DMXL1: variants seen among roughly 807,000 people sequenced by gnomAD.
The protein encoded by DMXL1 is dmX-like protein 1.
A neutral mutation model predicts 319.2 loss-of-function variants in DMXL1; 99 were observed. The observed-to-expected ratio is 0.31, with a 90% CI of 0.26 to 0.37. The LOEUF (loss-of-function observed/expected upper bound fraction) is 0.37. DMXL1 is among the 10% of genes least tolerant of loss of function. The pLI, the probability that DMXL1 is intolerant of heterozygous loss-of-function variation, is 1.00. For missense variants in DMXL1, 3,745 were observed against 3,595.6 expected (o/e 1.04, Z -1.06); for synonymous variants, 1,385 against 1,235.2 (o/e 1.12, Z -2.54).
chr5:119,192,837 C>G (rs111932336), intron 29 of DMXL1, among the ~76,000 whole-genome samples: 2,243 of 152,090 alleles, frequency 0.015, 28 homozygotes, highest in Non-Finnish European at 0.025. Flanking sequence ...CGATTTTTCC[C>G]AAAACCTTCC....
intron 29 of DMXL1, among the ~76,000 whole-genome samples, chr5:119,191,291 C>T (rs932753758): frequency 2.6e-5 from 4 of 152,164 alleles, no homozygotes; most frequent in Non-Finnish European, 4.4e-5. Context: ...AATTTCCAGA[C>T]GTTCTCCTGC....
Position 119,133,311 on chromosome 5 carries a change from A to T in DMXL1, c.1495A>T (p.Met499Leu). ...AGATATGCTATTTAGTATTCATCCC[A>T]TGGATGGTTCTTTGCTAGTTTGGCA... The part of the protein sequence containing the change: ...NADMLFSIHP[M>L]DGSLLVWHVD... Residue 499 changes from methionine (M) to leucine (L), a missense_variant, in exon 11 of 44, where the codon ATG becomes TTG. Met to Leu is a conservative substitution (Grantham distance 15, BLOSUM62 2). This residue lies in a region of DMXL1 where 2,096 missense variants were observed against 1,985.4 expected (regional missense o/e 1.06). Coordinates refer to ENST00000539542, the MANE Select transcript of DMXL1 (RefSeq NM_001290321.3). 1 of 1,614,084 alleles carries T rather than the reference A, an allele frequency of 6.2e-7. No homozygotes were observed. The highest frequency in any genetic ancestry group is 8.5e-7 in the Non-Finnish European group (1 of 1,179,994).
intron 26 of DMXL1, among the ~76,000 whole-genome samples, chr5:119,176,962 T>C (rs1775919051): frequency 6.6e-6 from 1 of 152,174 alleles, no homozygotes; most frequent in Non-Finnish European, 1.5e-5. Flanking sequence ...GACAGAGACA[T>C]TGTTATTCCT....
chr5:119,075,499 C>T (rs774707880), intron 1 of DMXL1, among the ~76,000 whole-genome samples: 1 of 151,962 alleles, frequency 6.6e-6, no homozygotes, highest in Non-Finnish European at 1.5e-5. Context: ...TCGGCCTCCC[C>T]ACGTACTGGG....
At chr5:119,125,467 A>G (rs1763316152) in intron 9 of DMXL1, among the ~76,000 whole-genome samples, 1 of 152,186 alleles carries the variant, frequency 6.6e-6, no homozygotes, top group Non-Finnish European at 1.5e-5. Flanking sequence ...GAAAATATCT[A>G]AATTAAATGT....
At position 119,098,057 on chromosome 5, in the gene DMXL1, G is replaced by A. The variant is rs754263759; in HGVS notation, c.166G>A (p.Gly56Arg). The change falls in exon 2 of 44, where the codon GGA becomes AGA. Residue 56 changes from glycine to arginine, a missense_variant. This residue lies in a region of DMXL1 where 2,096 missense variants were observed against 1,985.4 expected (regional missense o/e 1.06). Transcript: ENST00000539542. ...ACAGATAATCCCAGGAGCTAAACAT[G>A]GAAATATTCAAGTGGGATGTGTAGA... is the stretch of plus-strand genomic sequence containing the variant. Reference protein sequence around the residue: ...RLQIIPGAKHGNIQVGCVDCS... With the variant: ...RLQIIPGAKHRNIQVGCVDCS... 6.2e-7 allele frequency: 1 copy of A among 1,608,192 alleles called. No individual in the cohort carries two copies.
chr5:119,192,300 ATTCT>A (rs1296855164), intron 29 of DMXL1, among the ~76,000 whole-genome samples: 1 of 152,048 alleles, frequency 6.6e-6, no homozygotes, highest in African/African-American at 2.4e-5. Context: ...TCTGAATTGC[ATTCT>A]TTCTTTTCTT....
rs758087682 is a variant in DMXL1, at chr5:119,118,817, C to T, written c.746C>T (p.Ala249Val). 3.1e-6 allele frequency: 5 copies of T among 1,593,344 alleles called. No individual in the cohort carries two copies. Among genetic ancestry groups the T allele is most frequent in the Non-Finnish European group, 4.3e-6 (5 of 1,172,602 alleles). The change falls in exon 8 of 44, where the codon GCT becomes GTT. Residue 249 changes from alanine (A) to valine (V), a missense_variant and splice_region_variant. This residue lies in a region of DMXL1 where 2,096 missense variants were observed against 1,985.4 expected (regional missense o/e 1.06). Transcript: ENST00000539542. The stretch of plus-strand genomic sequence containing the variant: ...TCTAAAATCTTTTCATTCCTTAGGG[C>T]TTCTGTATGTAATGTACTGTTGACT... ...WRKTSKYMPR[A>V]SVCNVLLTCC...
intron 1 of DMXL1, among the ~76,000 whole-genome samples, chr5:119,073,779 C>T (rs777758305): frequency 3.3e-5 from 5 of 152,132 alleles, no homozygotes; most frequent in Admixed American, 6.5e-5. Flanking sequence ...GCAGCCTGTT[C>T]ATCCTTGACT....
chr5:119,176,508 A>G (rs891613647), intron 26 of DMXL1, among the ~76,000 whole-genome samples: 1 of 151,886 alleles, frequency 6.6e-6, no homozygotes, highest in Non-Finnish European at 1.5e-5. Context: ...TTTCCTATCT[A>G]TGATTTCTAT....
At chr5:119,203,128 C>T (rs1159786033) in intron 32 of DMXL1, among the ~76,000 whole-genome samples, 191 bp from the exon 33 acceptor site, 1 of 151,616 alleles carries the variant, frequency 6.6e-6, no homozygotes, top group African/African-American at 2.4e-5. Flanking sequence ...CCATATGGTC[C>T]ACAAAGCCTG....
intron 24 of DMXL1, 72 bp from the exon 25 acceptor site, chr5:119,171,706 C>T (rs879270222): frequency 1.4e-5 from 17 of 1,238,524 alleles, no homozygotes; most frequent in Admixed American, 2.5e-5. Context: ...TTTAAAGAGC[C>T]CTTGATTTAC....
intron 43 of DMXL1, among the ~76,000 whole-genome samples, chr5:119,245,740 A>T (rs1323654165): frequency 6.6e-6 from 1 of 151,908 alleles, no homozygotes; most frequent in Non-Finnish European, 1.5e-5. Context: ...GGGTTTCGCC[A>T]TGTTGGCCAG....
At chr5:119,071,681 G>A (rs1464119991) in intron 1 of DMXL1, 25 bp downstream of exon 1, 5 of 1,557,608 alleles carry the variant, frequency 3.2e-6, no homozygotes, top group East Asian at 4.8e-5. Flanking sequence ...CCCTCGCGTC[G>A]CCCGTGGCCC....
intron 13 of DMXL1, among the ~76,000 whole-genome samples, chr5:119,137,820 A>T (rs1418221278): frequency 5.3e-5 from 8 of 152,220 alleles, no homozygotes; most frequent in Non-Finnish European, 8.8e-5. Context: ...GTATTTATTT[A>T]TAGCAGTATG....
At position 119,074,061 on chromosome 5, in the gene DMXL1, G is replaced by A. The variant is rs189308876; in HGVS notation, c.87+2405G>A. ...AGCCTCCTGAGAAGCTGGGATTACA[G>A]GCATGTGCCACCATGCCCTGCTAAT... is the stretch of plus-strand genomic sequence containing the variant. On this transcript the variant is annotated intron_variant, in intron 1 of 43. Coordinates refer to ENST00000539542, the MANE Select transcript of DMXL1 (RefSeq NM_001290321.3). Among the ~76,000 whole-genome samples the A allele has an allele frequency of 2.4e-3, 368 of 152,208 alleles. 3 individuals are homozygous for A. The highest frequency in any genetic ancestry group is 8.7e-3 in the African/African-American group (360 of 41,536).
intron 2 of DMXL1, among the ~76,000 whole-genome samples, chr5:119,098,593 G>C (rs2149784577): frequency 6.6e-6 from 1 of 152,084 alleles, no homozygotes; most frequent in African/African-American, 2.4e-5. Flanking sequence ...AACTTTATCT[G>C]GACTTCTATT....
intron 1 of DMXL1, among the ~76,000 whole-genome samples, chr5:119,085,990 T>C (rs1753270338): frequency 6.6e-6 from 1 of 152,206 alleles, no homozygotes; most frequent in African/African-American, 2.4e-5. Flanking sequence ...TCACGTTTAT[T>C]GATTTACATA....
At chr5:119,177,285 G>C in intron 26 of DMXL1, 72 bp from the exon 27 acceptor site, 1 of 1,109,860 alleles carries the variant, frequency 9.0e-7, no homozygotes, top group Admixed American at 3.3e-5. Flanking sequence ...TGATACTCTT[G>C]AAAGTAGATC....
Sources: gnomAD v4.1 joint callset for allele counts (sites outside exome capture counted in the v4.1 genomes callset) on GRCh38, gnomAD v4.1.1 for gene constraint, gnomAD v4.1.1 regional missense constraint, MANE v1.5 for transcripts, NCBI Gene and HGNC (gene_info 2026-07-23, HGNC 2026-07-21) for gene names.